Variants in LTBP1 observed in about 807,000 individuals in gnomAD.
LTBP1 encodes latent-transforming growth factor beta-binding protein 1.
A neutral mutation model predicts 207.6 loss-of-function variants in LTBP1; 129 were observed. The ratio of observed to expected loss-of-function variants is 0.62; its 90% CI spans 0.54 to 0.72. LTBP1 has a LOEUF of 0.72. Ranked by LOEUF, LTBP1 falls within the 30% of genes least tolerant of loss-of-function variation. The pLI, the probability that LTBP1 is intolerant of heterozygous loss-of-function variation, is 0.00. For missense variants in LTBP1, 2,281 were observed against 2,217.2 expected, an observed-to-expected ratio of 1.03 and a Z score of -0.58; for synonymous variants, 963 against 833.7, an observed-to-expected ratio of 1.16 and a Z score of -2.67.
intron 26 of LTBP1, among the ~76,000 whole-genome samples, chr2:33,357,946 T>G (rs1231644161): frequency 6.6e-6 from 1 of 152,164 alleles, no homozygotes; most frequent in Admixed American, 6.5e-5. Flanking sequence ...TGAACTAAAC[T>G]CATGTAGGAG....
At position 33,243,758 on chromosome 2, in the gene LTBP1, C is replaced by T. The variant is rs372185013; in HGVS notation, c.1973C>T (p.Pro658Leu). The change falls in exon 10 of 34, where the codon CCG (proline) becomes CTG (leucine). Residue 658 changes from proline to leucine, a missense_variant. Pro to Leu is a moderately conservative substitution (Grantham distance 98). Coordinates refer to ENST00000404816, the MANE Select transcript of LTBP1 (RefSeq NM_206943.4). Reference sequence around the variant, plus strand: ...TGTACCTGCAAAATAGGATTTGGGCCGGATCCTACCTTTTCAAGTTGTGTT... The same window carrying T: ...TGTACCTGCAAAATAGGATTTGGGCTGGATCCTACCTTTTCAAGTTGTGTT... Reference protein sequence around the residue: ...YRCTCKIGFGPDPTFSSCVPD... With the variant: ...YRCTCKIGFGLDPTFSSCVPD... The T allele has an allele frequency of 2.1e-5, 34 of 1,613,846 alleles. 1 individual carries two copies. Among genetic ancestry groups the T allele is most frequent in the South Asian group, 1.4e-4 (13 of 91,064 alleles).
chr2:33,325,933 A>C (rs191484431), intron 24 of LTBP1, among the ~76,000 whole-genome samples: 38 of 152,222 alleles, frequency 2.5e-4, no homozygotes, highest in Admixed American at 2.2e-3. Flanking sequence ...AACCTTCCTC[A>C]TACACTTTTT....
intron 10 of LTBP1, among the ~76,000 whole-genome samples, chr2:33,252,454 G>T (rs1304099333): frequency 6.6e-6 from 1 of 152,198 alleles, no homozygotes; most frequent in Non-Finnish European, 1.5e-5. Flanking sequence ...GAAGAGACCA[G>T]AGAGGGACAG....
chr2:33,282,868 TC>T (rs1471222561), intron 19 of LTBP1, among the ~76,000 whole-genome samples: 1 of 151,906 alleles, frequency 6.6e-6, no homozygotes, highest in African/African-American at 2.4e-5. Flanking sequence ...ATCGAGACCA[TC>T]CTGGCCAACA....
intron 31 of LTBP1, among the ~76,000 whole-genome samples, chr2:33,375,595 T>C (rs2095127995): frequency 6.6e-6 from 1 of 152,144 alleles, no homozygotes; most frequent in Non-Finnish European, 1.5e-5. Flanking sequence ...TGGCACGATC[T>C]CGGCTCACTG....
In LTBP1 at chr2:33,186,801, T is replaced by G; in HGVS notation, c.1202-55T>G. Reference sequence around the variant, plus strand: ...TTTGCAGGTTTTGTTGGTTGATCATTACTTAGCCTCTGAGAGACTAACCAA... The same window carrying G: ...TTTGCAGGTTTTGTTGGTTGATCATGACTTAGCCTCTGAGAGACTAACCAA... On this transcript the variant is annotated intron_variant, in intron 5 of 33. Coordinates refer to ENST00000404816, the MANE Select transcript of LTBP1 (RefSeq NM_206943.4). 32 of 1,382,468 alleles carry G rather than the reference T, an allele frequency of 2.3e-5. No individual in the cohort carries two copies. In the South Asian group the frequency reaches 3.8e-4, roughly 17 times the overall value. 85.6% of individuals were successfully genotyped at this position (1,382,468 alleles called of 1,614,324 possible). A position where few individuals can be genotyped will look rare whatever the true frequency, so the allele number is the denominator to read the frequency against.
chr2:33,032,056 C>G (rs141815499), intron 3 of LTBP1, among the ~76,000 whole-genome samples: 220 of 152,272 alleles, frequency 1.4e-3, no homozygotes, highest in Middle Eastern at 3.4e-3. Context: ...AGGATTCAGA[C>G]TGCCAGTCAA....
rs527524105 is a variant in LTBP1, at chr2:33,017,137, A to G, written c.566-3772A>G. 1.1e-4 allele frequency among the ~76,000 whole-genome samples: 17 copies of G among 152,368 alleles called. No individual in the cohort carries two copies. In the Middle Eastern group the frequency reaches 0.01, roughly 91 times the overall value. On this transcript the variant is annotated intron_variant, in intron 2 of 33. Transcript: ENST00000404816. ...AATGCTATGAATTTTTGCATTGGCC[A>G]TGAAGTAGATGGGGACAAATGTGTA... is the stretch of plus-strand genomic sequence containing the variant.
chr2:33,277,803 C>G (rs4670379), intron 18 of LTBP1, among the ~76,000 whole-genome samples: 1 of 59,970 alleles, frequency 1.7e-5, no homozygotes, highest in African/African-American at 7.3e-5. Flanking sequence ...CTTTCTCTCT[C>G]TCTTTCTTTT....
At chr2:33,175,831 AATG>A (rs908559946) in intron 5 of LTBP1, among the ~76,000 whole-genome samples, 7 of 150,484 alleles carry the variant, frequency 4.7e-5, no homozygotes, top group Non-Finnish European at 1.0e-4. Flanking sequence ...GCCATAAAAA[AATG>A]ATGAGTTCAT....
chr2:33,383,958 C>A (rs553939933), intron 31 of LTBP1, among the ~76,000 whole-genome samples: 2 of 152,282 alleles, frequency 1.3e-5, no homozygotes, highest in South Asian at 4.1e-4. Context: ...GAAATTGCAA[C>A]CTCTCTACCA....
intron 26 of LTBP1, among the ~76,000 whole-genome samples, chr2:33,354,683 TAC>T (rs71409608): frequency 0.34 from 47,550 of 138,968 alleles, 8,413 homozygotes; most frequent in Admixed American, 0.44. Context: ...ACTAAAACTA[TAC>T]ACACACACAC....
chr2:33,175,162 C>A (rs1177530591), intron 5 of LTBP1, among the ~76,000 whole-genome samples: 13 of 150,678 alleles, frequency 8.6e-5, no homozygotes, highest in Non-Finnish European at 1.6e-4. Flanking sequence ...CAAATGGGAT[C>A]TAATTAAACT....
chr2:32,997,926 C>G (rs545497294), intron 2 of LTBP1, among the ~76,000 whole-genome samples: 4 of 152,102 alleles, frequency 2.6e-5, no homozygotes, highest in Admixed American at 6.5e-5. Flanking sequence ...TTATGTTGGA[C>G]CTGGTATTGA....
At chr2:33,058,950 G>A (rs769554244) in intron 3 of LTBP1, among the ~76,000 whole-genome samples, 1 of 152,138 alleles carries the variant, frequency 6.6e-6, no homozygotes, top group Non-Finnish European at 1.5e-5. Context: ...ATTTTAGCTC[G>A]GGTTTATGCA....
At chr2:33,155,301 C>G in intron 5 of LTBP1, among the ~76,000 whole-genome samples, 1 of 152,100 alleles carries the variant, frequency 6.6e-6, no homozygotes, top group South Asian at 2.1e-4. Flanking sequence ...CCCGACCGAC[C>G]TCATGATCTG....
intron 29 of LTBP1, 99 bp downstream of exon 29, chr2:33,363,617 CAT>C (rs2094951102): frequency 2.3e-6 from 3 of 1,315,248 alleles, no homozygotes; most frequent in South Asian, 3.6e-5. Context: ...GAATCTAAAT[CAT>C]GTGTTGAAAA....
At chr2:33,389,753 C>T (rs2095299386) in intron 32 of LTBP1, among the ~76,000 whole-genome samples, 1 of 152,196 alleles carries the variant, frequency 6.6e-6, no homozygotes, top group Non-Finnish European at 1.5e-5. Flanking sequence ...GATTCTGCTG[C>T]CTCAGCCTCC....
chr2:33,108,745 C>G (rs142951305), intron 3 of LTBP1, among the ~76,000 whole-genome samples: 7 of 151,968 alleles, frequency 4.6e-5, no homozygotes, highest in Non-Finnish European at 1.0e-4. Flanking sequence ...GCAGCATGGC[C>G]GGAGGGCAAA....
Sources: allele counts gnomAD v4.1 joint callset (sites outside exome capture counted in the v4.1 genomes callset), GRCh38; gene constraint gnomAD v4.1.1; transcripts MANE v1.5; gene names NCBI Gene and HGNC (gene_info 2026-07-23, HGNC 2026-07-21).